HDAC9: variants seen among roughly 807,000 people sequenced by gnomAD.
HDAC9 encodes MEF-2 interacting transcription repressor (MITR) protein.
A neutral mutation model predicts 139.4 loss-of-function variants in HDAC9; 41 were observed. The observed-to-expected ratio is 0.29, with a 90% CI of 0.23 to 0.38. The LOEUF (loss-of-function observed/expected upper bound fraction) is 0.38, where lower values mean the gene tolerates loss of function less well. Among genes scored for constraint, HDAC9 ranks in the 10% least tolerant of loss-of-function variants. The pLI, the probability that HDAC9 is intolerant of heterozygous loss-of-function variation, is 1.00. For missense variants in HDAC9, 1,147 were observed against 1,297.0 expected (o/e 0.88, Z 1.78); for synonymous variants, 517 against 476.2 (o/e 1.09, Z -1.12).
intron 2 of HDAC9, among the ~76,000 whole-genome samples, chr7:18,580,785 G>A (rs1390806907): frequency 6.6e-6 from 1 of 152,126 alleles, no homozygotes; most frequent in Non-Finnish European, 1.5e-5. Context: ...TTCCTTGTAA[G>A]TTGATTTCTA....
At chr7:18,928,448 A>C (rs1804428233) in intron 22 of HDAC9, among the ~76,000 whole-genome samples, 1 of 152,272 alleles carries the variant, frequency 6.6e-6, no homozygotes, top group Admixed American at 6.5e-5. Flanking sequence ...CAATAAAAAG[A>C]GCAAGGCTTC....
intron 1 of HDAC9, among the ~76,000 whole-genome samples, chr7:18,474,046 G>A (rs1361620276): frequency 6.6e-6 from 1 of 152,176 alleles, no homozygotes; most frequent in African/African-American, 2.4e-5. Context: ...AAGAAGAAAT[G>A]GAGGAAGGGG....
At chr7:18,945,494 A>G (rs1183429613) in intron 23 of HDAC9, among the ~76,000 whole-genome samples, 1 of 152,240 alleles carries the variant, frequency 6.6e-6, no homozygotes, top group African/African-American at 2.4e-5. Context: ...TTAATGTGGT[A>G]TAATTTATCA....
chr7:18,291,679 T>C (rs927515895), intron 1 of HDAC9, among the ~76,000 whole-genome samples: 3 of 152,112 alleles, frequency 2.0e-5, no homozygotes, highest in Non-Finnish European at 4.4e-5. Flanking sequence ...AAAGTCTCCA[T>C]TGAGATATCT....
intron 12 of HDAC9, among the ~76,000 whole-genome samples, chr7:18,683,717 A>G (rs896910072): frequency 2.6e-5 from 4 of 152,066 alleles, no homozygotes; most frequent in Non-Finnish European, 4.4e-5. Context: ...CTCAAAATGG[A>G]AAGATAGTGC....
chr7:18,462,316 T>G (rs1364181799), intron 1 of HDAC9, among the ~76,000 whole-genome samples: 7 of 152,082 alleles, frequency 4.6e-5, no homozygotes, highest in Non-Finnish European at 8.8e-5. Context: ...AGAACTGTTT[T>G]ATAAAATTAC....
chr7:18,648,727 G>A (rs1245082077), intron 11 of HDAC9, 44 bp downstream of exon 11: 1 of 1,526,024 alleles, frequency 6.6e-7, no homozygotes, highest in Non-Finnish European at 8.9e-7. Flanking sequence ...CGCCAGTTTG[G>A]AAATTGGGTA....
At chr7:18,138,604 A>G (rs1455567168) in intron 1 of HDAC9, among the ~76,000 whole-genome samples, 5 of 149,700 alleles carry the variant, frequency 3.3e-5, no homozygotes, top group East Asian at 1.9e-4. Flanking sequence ...GCTCAAGTGG[A>G]TACAGTGCTG....
intron 2 of HDAC9, among the ~76,000 whole-genome samples, chr7:18,567,719 G>T (rs1455708149): frequency 1.3e-5 from 2 of 151,932 alleles, no homozygotes; most frequent in African/African-American, 4.8e-5. Context: ...CTAACTACCA[G>T]AACTATCTTG....
chr7:18,528,924 A>C (rs1173604929), intron 2 of HDAC9, among the ~76,000 whole-genome samples: 1 of 152,180 alleles, frequency 6.6e-6, no homozygotes, highest in Admixed American at 6.5e-5. Flanking sequence ...TAAGTAAAAA[A>C]CATGAGATAA....
intron 2 of HDAC9, among the ~76,000 whole-genome samples, chr7:18,504,833 G>A (rs1265951443): frequency 3.9e-5 from 6 of 152,220 alleles, no homozygotes; most frequent in Admixed American, 2.6e-4. Flanking sequence ...GATGGTTACT[G>A]TAGGTAGGAA....
chr7:18,775,732 A>C (rs1223557185), intron 16 of HDAC9, among the ~76,000 whole-genome samples: 1 of 150,880 alleles, frequency 6.6e-6, no homozygotes, highest in Non-Finnish European at 1.5e-5. Flanking sequence ...TGTCATACCT[A>C]TCACTTAGAC....
intron 12 of HDAC9, among the ~76,000 whole-genome samples, chr7:18,724,870 A>C (rs1157466230): frequency 1.3e-5 from 2 of 152,170 alleles, no homozygotes; most frequent in African/African-American, 4.8e-5. Flanking sequence ...CAATAACTCT[A>C]ATATATAAAA....
At chr7:18,575,708 T>C (rs1825759884) in intron 2 of HDAC9, among the ~76,000 whole-genome samples, 1 of 152,262 alleles carries the variant, frequency 6.6e-6, no homozygotes, top group African/African-American at 2.4e-5. Flanking sequence ...ATATTTGTAA[T>C]TCAAACAGTC....
intron 22 of HDAC9, among the ~76,000 whole-genome samples, chr7:18,898,143 G>A (rs904115083): frequency 6.6e-6 from 1 of 151,712 alleles, no homozygotes; most frequent in Non-Finnish European, 1.5e-5. Flanking sequence ...ATCATTCATT[G>A]ATTTATTTGT....
intron 2 of HDAC9, chr7:18,543,333 C>T (rs1301180337): frequency 4.6e-5 from 7 of 152,202 alleles, no homozygotes; most frequent in African/African-American, 1.7e-4. Context: ...GACTGCTGCT[C>T]AGTGCCCCAG....
chr7:18,510,575 A>G (rs922726073), intron 2 of HDAC9, among the ~76,000 whole-genome samples: 4 of 152,136 alleles, frequency 2.6e-5, no homozygotes, highest in Non-Finnish European at 4.4e-5. Context: ...TATCCCCACA[A>G]TTGCTATCTA....
intron 23 of HDAC9, among the ~76,000 whole-genome samples, chr7:18,941,405 T>C (rs1467448605): frequency 6.6e-6 from 1 of 152,142 alleles, no homozygotes; most frequent in Non-Finnish European, 1.5e-5. Context: ...GCTGAAACAG[T>C]CTCTTGAATT....
rs1585126320 is a variant in HDAC9, at chr7:18,835,913, T to G, written c.2600T>G (p.Leu867Arg). ...SGAPNEVGTG[L>R]GEGYNINIAW... ...TTCTCTTCCCAGGTTGGAACAGGCC[T>G]TGGAGAAGGGTACAATATAAATATT... Residue 867 changes from leucine (L) to arginine (R), a missense_variant, in exon 21 of 26, where the codon CTT becomes CGT. By Grantham distance (102) the Leu-to-Arg change is moderately radical. Coordinates refer to ENST00000686413, the MANE Select transcript of HDAC9 (RefSeq NM_178425.4). 1 of 1,557,406 alleles carries G rather than the reference T, an allele frequency of 6.4e-7. No homozygotes were observed. Among genetic ancestry groups the G allele is most frequent in the East Asian group, 2.4e-5 (1 of 41,724 alleles).
Sources: allele counts gnomAD v4.1 joint callset (sites outside exome capture counted in the v4.1 genomes callset), GRCh38; gene constraint gnomAD v4.1.1; transcripts MANE v1.5; gene names NCBI Gene and HGNC (gene_info 2026-07-23, HGNC 2026-07-21).